S100A13: variants seen among roughly 807,000 people sequenced by gnomAD.
S100A13 encodes the protein protein S100-A13.
Under a neutral mutation model 8.2 loss-of-function variants are expected in S100A13, and 6 were observed. The ratio of observed to expected loss-of-function variants is 0.73; its 90% confidence interval spans 0.40 to 1.44. The LOEUF is 1.44. S100A13 is among the 40% of genes most tolerant of loss of function. S100A13 has a pLI of 0.02. For synonymous variants in S100A13, 39 were observed against 45.9 expected, an observed-to-expected ratio of 0.85 and a Z score of 0.61; for missense variants, 114 against 113.6, an observed-to-expected ratio of 1.00 and a Z score of -0.02.
rs1201640469 is a variant in S100A13, at chr1:153,619,013, A to T, written c.179T>A (p.Met60Lys). ...GTCCTGATTCACATCCAAGCTCTTCATCTTCTCATCAAGAGAGCCCACATC... is the reference window on the plus strand; with the variant it reads ...GTCCTGATTCACATCCAAGCTCTTCTTCTTCTCATCAAGAGAGCCCACATC... Reference protein sequence around the residue: ...LKDVGSLDEKMKSLDVNQDSE... With the variant: ...LKDVGSLDEKKKSLDVNQDSE... The change falls in exon 3 of 3, where the codon ATG (methionine) becomes AAG (lysine). Residue 60 changes from methionine to lysine, a missense_variant. Transcript: ENST00000476133. The T allele has an allele frequency of 1.9e-5, 31 of 1,613,848 alleles. No homozygotes were observed. Among genetic ancestry groups the T allele is most frequent in the Non-Finnish European group, 2.6e-5 (31 of 1,179,924 alleles).
At chr1:153,628,427 C>T, upstream of S100A13, 1 of 1,550,620 alleles carries the variant, frequency 6.4e-7, no homozygotes, top group Non-Finnish European at 8.7e-7. Flanking sequence ...CCACACACAG[C>T]TCCAGCAGCC....
chr1:153,628,746 CA>C (rs1397912782), upstream of S100A13: 7 of 599,210 alleles, frequency 1.2e-5, no homozygotes, highest in African/African-American at 1.3e-4. Context: ...GTGGGGAACC[CA>C]CCATGAGCTT....
At chr1:153,619,246 G>T (rs775653670) in intron 2 of S100A13, among the ~76,000 whole-genome samples, 3 of 152,156 alleles carry the variant, frequency 2.0e-5, no homozygotes, top group Non-Finnish European at 4.4e-5. Context: ...AAAGGTGGGG[G>T]GGCCTGAGTC....
chr1:153,628,353 T>A (rs1436690214), upstream of S100A13: 5 of 1,538,148 alleles, frequency 3.3e-6, no homozygotes, highest in African/African-American at 6.9e-5. Flanking sequence ...CACAGGGTGT[T>A]CGTCTGTGAA....
At position 153,619,006 on chromosome 1, in the gene S100A13, G is replaced by A. The variant is rs1667066906; in HGVS notation, c.186C>T (p.Ser62=). Residue 62 remains serine (S), a synonymous_variant, in exon 3 of 3, where the codon AGC becomes AGT. Coordinates refer to ENST00000476133, the MANE Select transcript of S100A13 (RefSeq NM_001024211.2). ...GCTCCGAGTCCTGATTCACATCCAA[G>A]CTCTTCATCTTCTCATCAAGAGAGC... The part of the protein sequence containing the change: ...DVGSLDEKMK[S]LDVNQDSELK... 2 of 1,613,758 alleles carry A rather than the reference G, an allele frequency of 1.2e-6. No homozygotes were observed. The highest frequency in any genetic ancestry group is 8.5e-7 in the Non-Finnish European group (1 of 1,179,882).
chr1:153,620,814 C>T (rs975614079), intron 2 of S100A13, among the ~76,000 whole-genome samples: 1 of 152,070 alleles, frequency 6.6e-6, no homozygotes, highest in Non-Finnish European at 1.5e-5. Flanking sequence ...CCTGCAATCT[C>T]AGCACTTTGG....
At chr1:153,619,974 GAAAT>G (rs1271807655) in intron 2 of S100A13, among the ~76,000 whole-genome samples, 2 of 152,176 alleles carry the variant, frequency 1.3e-5, no homozygotes, top group Admixed American at 1.3e-4. Flanking sequence ...TCAGTAAAGA[GAAAT>G]AAATAAGTAT....
intron 2 of S100A13, among the ~76,000 whole-genome samples, chr1:153,619,920 A>G (rs1667125874): frequency 6.6e-6 from 1 of 152,222 alleles, no homozygotes; most frequent in South Asian, 2.1e-4. Context: ...TGCCAGTGGA[A>G]GGCAAGGATG....
intron 2 of S100A13, among the ~76,000 whole-genome samples, chr1:153,625,808 G>T (rs1667579546): frequency 6.6e-6 from 1 of 152,204 alleles, no homozygotes; most frequent in South Asian, 2.1e-4. Context: ...CTGGCACATA[G>T]TATCTTTGCT....
intron 2 of S100A13, among the ~76,000 whole-genome samples, chr1:153,621,606 C>T (rs1009145126): frequency 2.0e-5 from 3 of 151,176 alleles, no homozygotes; most frequent in Non-Finnish European, 4.4e-5. Flanking sequence ...AACCCCATCT[C>T]GGGCAACCCG....
intron 2 of S100A13, among the ~76,000 whole-genome samples, chr1:153,622,228 G>C (rs1667311332): frequency 2.6e-5 from 4 of 152,084 alleles, no homozygotes. Flanking sequence ...AAATTAGCCA[G>C]GCGTGGTGGC....
intron 2 of S100A13, among the ~76,000 whole-genome samples, chr1:153,623,086 T>A (rs1667373442): frequency 6.7e-6 from 1 of 148,648 alleles, no homozygotes. Flanking sequence ...TGAGACTCTG[T>A]CTCAAAAAAA....
upstream of S100A13, chr1:153,630,672 G>C (rs780008385): frequency 1.7e-5 from 28 of 1,613,620 alleles, no homozygotes; most frequent in Admixed American, 1.2e-4. Context: ...TGTGAGCATA[G>C]AGTGGTGGAG....
upstream of S100A13, chr1:153,630,343 G>A (rs1667931517): frequency 2.4e-6 from 2 of 848,020 alleles, no homozygotes; most frequent in Middle Eastern, 3.6e-4. Flanking sequence ...GTCTCTTGGG[G>A]TTTCCCTCAC....
At chr1:153,628,588 C>T (rs966579046), upstream of S100A13, 246 of 1,493,368 alleles carry the variant, frequency 1.6e-4, no homozygotes, top group Non-Finnish European at 2.1e-4. Flanking sequence ...GGGACCATAG[C>T]ACTGTGGAGC....
chr1:153,628,193 C>G (rs1557928848), upstream of S100A13: 2 of 1,550,156 alleles, frequency 1.3e-6, no homozygotes, highest in Admixed American at 2.0e-5. Flanking sequence ...GTGTCCCTCC[C>G]AGGACCTCCT....
chr1:153,624,591 A>C (rs1419231718), intron 2 of S100A13, among the ~76,000 whole-genome samples: 1 of 151,906 alleles, frequency 6.6e-6, no homozygotes, highest in Non-Finnish European at 1.5e-5. Context: ...CAAGGATATA[A>C]GGAATGCTGT....
chr1:153,627,399 G>T (rs1326196066), intron 1 of S100A13, 84 bp downstream of exon 1: 6 of 152,458 alleles, frequency 3.9e-5, no homozygotes, highest in African/African-American at 1.4e-4. Flanking sequence ...ATTCCTGTCT[G>T]AGCTGGCTCT....
At chr1:153,630,542 G>T (rs142954586), upstream of S100A13, 5 of 1,614,228 alleles carry the variant, frequency 3.1e-6, no homozygotes, top group South Asian at 3.3e-5. Flanking sequence ...AGCTGGAGAC[G>T]GCGATGGAGA....
Sources: gnomAD v4.1 joint callset for allele counts (sites outside exome capture counted in the v4.1 genomes callset) on GRCh38, gnomAD v4.1.1 for gene constraint, MANE v1.5 for transcripts, NCBI Gene and HGNC (gene_info 2026-07-23, HGNC 2026-07-21) for gene names.